ARFGEF1: variants seen among roughly 807,000 people sequenced by gnomAD.
ARFGEF1 encodes brefeldin A-inhibited guanine nucleotide-exchange protein 1.
In ARFGEF1, 42 loss-of-function variants were observed where a neutral mutation model predicts 231.0. That is an observed-to-expected ratio of 0.18 (90% confidence interval 0.14 to 0.24). ARFGEF1 has a LOEUF of 0.24. ARFGEF1 is among the 10% of genes least tolerant of loss of function. ARFGEF1 has a pLI of 1.00. For synonymous variants in ARFGEF1, 710 were observed against 732.3 expected (o/e 0.97, Z 0.49); for missense variants, 1,345 against 2,192.0 (o/e 0.61, Z 7.72).
At chr8:67,275,299 AG>A (rs1374198764) in intron 9 of ARFGEF1, among the ~76,000 whole-genome samples, 3 of 152,068 alleles carry the variant, frequency 2.0e-5, no homozygotes, top group Non-Finnish European at 4.4e-5. Context: ...AAAAGTAATT[AG>A]TTACATTTGA....
rs768116487 is a variant in ARFGEF1, at chr8:67,266,988, C to A, written c.1813-4G>T. 40 of 1,609,830 alleles carry A rather than the reference C, an allele frequency of 2.5e-5. No homozygotes were observed. Among genetic ancestry groups the A allele is most frequent in the Middle Eastern group, 3.3e-4 (2 of 6,058 alleles). ...CTTTTTTCCTCAGGCTCAATTCCTA[C>A]AAAGTAATTCAAAAACAAAATTTTT... is the stretch of plus-strand genomic sequence containing the variant. On this transcript the variant is annotated splice_polypyrimidine_tract_variant and splice_region_variant and intron_variant, in intron 12 of 38. Transcript: ENST00000262215.
intron 14 of ARFGEF1, among the ~76,000 whole-genome samples, chr8:67,264,432 C>A (rs1043090949): frequency 6.6e-6 from 1 of 152,046 alleles, no homozygotes; most frequent in Non-Finnish European, 1.5e-5. Flanking sequence ...TAGTAGCATG[C>A]TGGGGTTACT....
At position 67,343,646 on chromosome 8, in the gene ARFGEF1, G is replaced by A. The variant is rs1016466557; in HGVS notation, c.-359C>T. The A allele has an allele frequency of 3.0e-6, 3 of 1,016,378 alleles. No homozygotes were observed. The highest frequency in any genetic ancestry group is 3.5e-6 in the Non-Finnish European group (3 of 848,334). The allele number at this position is 1,016,378 out of a possible 1,614,324, so 63.0% of individuals were successfully genotyped here. On this transcript the variant is annotated 5_prime_UTR_variant, in exon 1 of 39. Coordinates refer to ENST00000262215, the MANE Select transcript of ARFGEF1 (RefSeq NM_006421.5). ...GGCGGCTGTCTGCCGGGAACTGAGG[G>A]ACGAGGTGGCGGCGGCTCTCAGAGG...
Position 67,199,114 on chromosome 8 carries a change from A to G in ARFGEF1, c.5386-16T>C, listed in dbSNP as rs1457150625. ...GAGCTTTAAACTGCAGGGAAAATGA[A>G]TTTCTCCATTAGTAGTGATTGCAAA... On this transcript the variant is annotated splice_polypyrimidine_tract_variant and intron_variant, in intron 38 of 38. Coordinates refer to ENST00000262215, the MANE Select transcript of ARFGEF1 (RefSeq NM_006421.5). 5 of 1,601,602 alleles carry G rather than the reference A, an allele frequency of 3.1e-6. No homozygotes were observed. The African/African-American group carries it at 4.1e-5, about 13-fold the overall frequency.
Position 67,190,820 on chromosome 8 carries a change from C to CCT in ARFGEF1, c.560+9574_560+9575dup. Reference sequence around the variant, plus strand: ...GAAGAATGAGAGGTCTGGGTTCTGACCTGTGCTAAATCTGTGTGGCCCAAT... The same window carrying CCT: ...GAAGAATGAGAGGTCTGGGTTCTGACCTCTGTGCTAAATCTGTGTGGCCCAAT... On this transcript the variant is annotated intron_variant, in intron 5 of 5. Transcript: ENST00000518789. The CCT allele has an allele frequency of 8.1e-6, 10 of 1,231,730 alleles. No homozygotes were observed. The South Asian group carries it at 9.7e-5, about 12-fold the overall frequency. The allele number at this position is 1,231,730 out of a possible 1,614,324, so 76.3% of individuals were successfully genotyped here.
chr8:67,236,235 T>A (rs1389731624), intron 22 of ARFGEF1, among the ~76,000 whole-genome samples: 1 of 146,212 alleles, frequency 6.8e-6, no homozygotes, highest in Non-Finnish European at 1.5e-5. Flanking sequence ...GGGGAATCAC[T>A]TGAACCCAGG....
At chr8:67,219,677 T>TA (rs1247610076) in intron 29 of ARFGEF1, 117 bp from the exon 30 acceptor site, 1 of 1,093,402 alleles carries the variant, frequency 9.1e-7, no homozygotes, top group Non-Finnish European at 1.3e-6. Context: ...AGTCTGAAAT[T>TA]AACACATGAC....
At position 67,220,238 on chromosome 8, in the gene ARFGEF1, T is replaced by C. The variant is rs184446601; in HGVS notation, c.4209-678A>G. ...CAAAACTTCCGTCTTCATTCCTTAC[T>C]GTTTCTTGAAATAATACTTTTATGT... On this transcript the variant is annotated intron_variant, in intron 29 of 38. Transcript: ENST00000262215. Among the ~76,000 whole-genome samples the C allele has an allele frequency of 1.1e-3, 171 of 152,390 alleles. 1 individual carries two copies. Among genetic ancestry groups the C allele is most frequent in the African/African-American group, 3.8e-3 (157 of 41,592 alleles).
chr8:67,176,034 AAG>A (rs1468404716), intron 5 of ARFGEF1, among the ~76,000 whole-genome samples: 1 of 151,634 alleles, frequency 6.6e-6, no homozygotes, highest in Non-Finnish European at 1.5e-5. Flanking sequence ...GATGCTAAAG[AAG>A]TACAACTGTG....
chr8:67,196,560 C>T (rs560834379), downstream of ARFGEF1, among the ~76,000 whole-genome samples: 11 of 152,278 alleles, frequency 7.2e-5, no homozygotes, highest in East Asian at 1.9e-3. Context: ...ATGTAATTAA[C>T]GGTTGGTAGA....
At chr8:67,177,438 G>GT (rs1014480963) in intron 5 of ARFGEF1, among the ~76,000 whole-genome samples, 6 of 152,142 alleles carry the variant, frequency 3.9e-5, no homozygotes, top group African/African-American at 1.2e-4. Flanking sequence ...GTTGGCATTA[G>GT]TTTTACATTT....
intron 1 of ARFGEF1, among the ~76,000 whole-genome samples, chr8:67,303,994 A>C (rs1388505464): frequency 6.6e-6 from 1 of 152,188 alleles, no homozygotes; most frequent in African/African-American, 2.4e-5. Flanking sequence ...CATGGCTTGG[A>C]CGTATGGCTA....
intron 33 of ARFGEF1, among the ~76,000 whole-genome samples, chr8:67,216,057 C>T (rs1265355854): frequency 6.6e-6 from 1 of 152,166 alleles, no homozygotes; most frequent in Non-Finnish European, 1.5e-5. Flanking sequence ...AAAATACTCC[C>T]TTCATGGCAC....
intron 1 of ARFGEF1, among the ~76,000 whole-genome samples, chr8:67,310,701 G>GC (rs149870646): frequency 0.22 from 33,496 of 149,698 alleles, 4,404 homozygotes; most frequent in East Asian, 0.37. Context: ...GAGCGCCTCT[G>GC]CCCCGCCGCC....
intron 23 of ARFGEF1, among the ~76,000 whole-genome samples, chr8:67,231,713 G>C (rs531360124): frequency 6.6e-6 from 1 of 152,126 alleles, no homozygotes; most frequent in African/African-American, 2.4e-5. Context: ...AAGGTGGAGA[G>C]GTTAAGTATG....
At chr8:67,192,018 T>C (rs1439186224) in intron 5 of ARFGEF1, among the ~76,000 whole-genome samples, 1 of 152,138 alleles carries the variant, frequency 6.6e-6, no homozygotes, top group African/African-American at 2.4e-5. Context: ...TATTAGCCAG[T>C]TGTATATTTT....
chr8:67,333,860 A>C (rs1808217164), intron 1 of ARFGEF1, among the ~76,000 whole-genome samples: 2 of 152,258 alleles, frequency 1.3e-5, no homozygotes, highest in Admixed American at 6.5e-5. Context: ...GCATAAGACC[A>C]GGTGCAGTGG....
At chr8:67,183,714 A>G (rs962542047) in intron 5 of ARFGEF1, among the ~76,000 whole-genome samples, 1 of 152,168 alleles carries the variant, frequency 6.6e-6, no homozygotes, top group Admixed American at 6.5e-5. Flanking sequence ...GCCAAACTCT[A>G]AAACTCACAG....
In ARFGEF1 at chr8:67,218,057, T is replaced by C; in HGVS notation, c.4420A>G (p.Ser1474Gly). 1 of 1,611,576 alleles carries C rather than the reference T, an allele frequency of 6.2e-7. No homozygotes were observed. Among genetic ancestry groups the C allele is most frequent in the Non-Finnish European group, 8.5e-7 (1 of 1,178,816 alleles). Residue 1474 changes from serine to glycine, a missense_variant, in exon 31 of 39, where the codon AGT becomes GGT. By Grantham distance (56) the Ser-to-Gly change is moderately conservative. This residue lies in a region of ARFGEF1 where 54 missense variants were observed against 86.5 expected (regional missense o/e 0.62). Transcript: ENST00000262215. The part of the protein sequence containing the change: ...DVFTQYLEVL[S>G]DVLLDDIFAQ... ...AAAATGTCATCCAAAAGTACATCACTGAGTACTTCTAAATACTGAGTGAAT... is the reference window on the plus strand; with the variant it reads ...AAAATGTCATCCAAAAGTACATCACCGAGTACTTCTAAATACTGAGTGAAT...
Sources: gnomAD v4.1 joint callset for allele counts (sites outside exome capture counted in the v4.1 genomes callset) on GRCh38, gnomAD v4.1.1 for gene constraint, gnomAD v4.1.1 regional missense constraint, MANE v1.5 for transcripts, NCBI Gene and HGNC (gene_info 2026-07-23, HGNC 2026-07-21) for gene names.